Variants in FHIP1A observed in about 807,000 individuals in gnomAD.
The protein encoded by FHIP1A is FHF complex subunit HOOK interacting protein 1A.
FHIP1A carries 61 observed loss-of-function variants against 88.6 expected under a neutral mutation model. The observed-to-expected ratio is 0.69, with a 90% CI of 0.56 to 0.85. The LOEUF (loss-of-function observed/expected upper bound fraction) is 0.85, where lower values mean the gene tolerates loss of function less well. FHIP1A is among the 40% of genes least tolerant of loss of function. The pLI is 0.00. For missense variants in FHIP1A, 1,154 were observed against 1,273.5 expected, an observed-to-expected ratio of 0.91 and a Z score of 1.43; for synonymous variants, 478 against 496.0, an observed-to-expected ratio of 0.96 and a Z score of 0.48.
chr4:151,436,894 C>G (rs1200461295), intron 1 of FHIP1A, among the ~76,000 whole-genome samples: 1 of 152,146 alleles, frequency 6.6e-6, no homozygotes, highest in East Asian at 1.9e-4. Context: ...ATATAACCTA[C>G]ACATGTCTTA....
At chr4:151,586,929 C>A in intron 6 of FHIP1A, 130 bp downstream of exon 6, 3 of 677,868 alleles carry the variant, frequency 4.4e-6, no homozygotes, top group Non-Finnish European at 6.6e-6. Flanking sequence ...GTGCTTTAAG[C>A]CAATTGAATG....
chr4:151,475,846 A>G (rs1391924011), intron 2 of FHIP1A, among the ~76,000 whole-genome samples: 1 of 151,522 alleles, frequency 6.6e-6, no homozygotes, highest in African/African-American at 2.4e-5. Flanking sequence ...GCATTTGATA[A>G]AATTCAATCT....
chr4:151,421,765 C>A (rs188332555), intron 1 of FHIP1A, among the ~76,000 whole-genome samples: 86 of 152,160 alleles, frequency 5.7e-4, no homozygotes, highest in African/African-American at 2.0e-3. Context: ...CTAGACCTAG[C>A]TAGTTCCTTC....
rs1177669379 is a variant in FHIP1A at position 151,666,809 on chromosome 4, C to A, written c.*4055C>A. Among the ~76,000 whole-genome samples the A allele has an allele frequency of 6.6e-6, 1 of 152,174 alleles. No homozygotes were observed. Among genetic ancestry groups the A allele is most frequent in the Non-Finnish European group, 1.5e-5 (1 of 68,034 alleles). On this transcript the variant is annotated 3_prime_UTR_variant, in exon 14 of 14. Coordinates refer to ENST00000435205, the MANE Select transcript of FHIP1A (RefSeq NM_001109977.3). ...AGTCTGGACAAATCAAGTGCTTTAA[C>A]GATGGCATCGTCCTCTGGGAATAAT... is the stretch of plus-strand genomic sequence containing the variant.
At chr4:151,485,080 A>G (rs1194364287) in intron 3 of FHIP1A, among the ~76,000 whole-genome samples, 1 of 152,216 alleles carries the variant, frequency 6.6e-6, no homozygotes, top group African/African-American at 2.4e-5. Context: ...TTAGGGTCAA[A>G]TAATCAAACC....
chr4:151,473,833 G>C (rs1260587723), intron 2 of FHIP1A, among the ~76,000 whole-genome samples: 1 of 152,172 alleles, frequency 6.6e-6, no homozygotes, highest in African/African-American at 2.4e-5. Flanking sequence ...AAAATGTGAA[G>C]GACAGGTGTT....
intron 3 of FHIP1A, among the ~76,000 whole-genome samples, chr4:151,531,099 T>C (rs1445075820): frequency 6.6e-6 from 1 of 152,038 alleles, no homozygotes; most frequent in Admixed American, 6.5e-5. Context: ...TTAAAGCACA[T>C]TTTGTATGAA....
chr4:151,461,614 C>A (rs553051926), intron 2 of FHIP1A, among the ~76,000 whole-genome samples: 8 of 151,936 alleles, frequency 5.3e-5, no homozygotes, highest in Non-Finnish European at 1.0e-4. Flanking sequence ...GTATAATTAT[C>A]ATATGCCAAT....
intron 7 of FHIP1A, among the ~76,000 whole-genome samples, chr4:151,612,739 CT>C (rs1735372817): frequency 6.6e-6 from 1 of 152,176 alleles, no homozygotes; most frequent in Admixed American, 6.5e-5. Flanking sequence ...AAAAAGAGAG[CT>C]TGTGCCATCT....
At chr4:151,504,594 TATGTTATGTTATGTC>T (rs1272455209) in intron 3 of FHIP1A, among the ~76,000 whole-genome samples, 3,765 of 140,310 alleles carry the variant, frequency 0.027, 154 homozygotes, top group African/African-American at 0.088. Flanking sequence ...TATGTTATGT[TATGTTATGTTATGTC>T]ATGTTATGTT....
chr4:151,488,339 C>A (rs987470068), intron 3 of FHIP1A, among the ~76,000 whole-genome samples: 5 of 152,170 alleles, frequency 3.3e-5, no homozygotes, highest in Non-Finnish European at 5.9e-5. Flanking sequence ...TCTCTCCACT[C>A]TAATGGTCTC....
chr4:151,411,343 A>ATTCTTTTTTTTTTTTTTTT lies in FHIP1A; in HGVS notation c.-356+1879_-356+1880insTCTTTTTTTTTTTTTTTTT, dbSNP rs370374898. Among the ~76,000 whole-genome samples, 13 of 112,242 alleles carry ATTCTTTTTTTTTTTTTTTT rather than the reference A, an allele frequency of 1.2e-4. 1 individual carries two copies. Among genetic ancestry groups the ATTCTTTTTTTTTTTTTTTT allele is most frequent in the African/African-American group, 2.9e-4 (8 of 27,434 alleles). The allele number at this position is 112,242 out of a possible 152,430, so 73.6% of individuals were successfully genotyped here. On this transcript the variant is annotated intron_variant, in intron 1 of 13. Coordinates refer to ENST00000435205, the MANE Select transcript of FHIP1A (RefSeq NM_001109977.3). ...AATTGCCTCTGAGGAGTGAAATTAT[A>ATTCTTTTTTTTTTTTTTTT]TATATATTTTTTTTTTTTTAAAGTT...
At chr4:151,478,221 A>G (rs1729776265) in intron 2 of FHIP1A, among the ~76,000 whole-genome samples, 4 of 152,210 alleles carry the variant, frequency 2.6e-5, no homozygotes, top group South Asian at 2.1e-4. Context: ...ATTTGGAAAC[A>G]TTGCCAATGT....
chr4:151,462,887 A>G (rs2709820), intron 2 of FHIP1A, among the ~76,000 whole-genome samples: 79,077 of 152,054 alleles, frequency 0.52, 20,865 homozygotes, highest in African/African-American at 0.55. Flanking sequence ...CTGAGAGATG[A>G]CTTAGTATTG....
At chr4:151,468,779 G>T (rs550961536) in intron 2 of FHIP1A, among the ~76,000 whole-genome samples, 1 of 152,232 alleles carries the variant, frequency 6.6e-6, no homozygotes, top group East Asian at 1.9e-4. Flanking sequence ...AGGTAACTTG[G>T]GAATTATAGA....
chr4:151,450,213 T>C (rs1208227002), intron 1 of FHIP1A, among the ~76,000 whole-genome samples: 3 of 152,146 alleles, frequency 2.0e-5, no homozygotes, highest in Non-Finnish European at 4.4e-5. Context: ...CGTAAAGAAG[T>C]GTATAAAATA....
At chr4:151,514,739 C>T (rs949548794) in intron 3 of FHIP1A, among the ~76,000 whole-genome samples, 45 of 151,690 alleles carry the variant, frequency 3.0e-4, no homozygotes, top group South Asian at 4.2e-4. Flanking sequence ...ATACATCCTC[C>T]GAAGACTAAA....
chr4:151,541,922 A>T (rs1185515186), intron 3 of FHIP1A, among the ~76,000 whole-genome samples: 1 of 152,180 alleles, frequency 6.6e-6, no homozygotes, highest in Non-Finnish European at 1.5e-5. Context: ...GCAGAGTACA[A>T]TTGAGACAGC....
chr4:151,657,198 C>A (rs1180646040), intron 13 of FHIP1A, among the ~76,000 whole-genome samples: 1 of 152,058 alleles, frequency 6.6e-6, no homozygotes, highest in Non-Finnish European at 1.5e-5. Context: ...TAGAATAAAT[C>A]ACACGGCACA....
Sources: gnomAD v4.1 joint callset for allele counts (sites outside exome capture counted in the v4.1 genomes callset) on GRCh38, gnomAD v4.1.1 for gene constraint, MANE v1.5 for transcripts, NCBI Gene and HGNC (gene_info 2026-07-23, HGNC 2026-07-21) for gene names.